Variants in RIGI observed in about 807,000 individuals in gnomAD.
RIGI encodes the protein antiviral innate immune response receptor RIG-I.
chr9:32,481,434 G>A, the RIGI span: 283 of 1,609,838 alleles, frequency 1.8e-4, no homozygotes, highest in Non-Finnish European at 2.2e-4. Flanking sequence ...TTTCTGAACT[G>A]TAACAATCCA....
chr9:32,489,313 A>T, the RIGI span: 66 of 1,505,472 alleles, frequency 4.4e-5, no homozygotes, highest in African/African-American at 1.1e-4. Context: ...AGCAAACAGA[A>T]AAACTATGTA....
the RIGI span, chr9:32,459,523 AAAAG>A: frequency 3.7e-6 from 6 of 1,600,894 alleles, no homozygotes; most frequent in South Asian, 4.5e-5. Context: ...ATCTAATGCA[AAAAG>A]AAAGACCGCA....
chr9:32,516,272 G>T, the RIGI span, among the ~76,000 whole-genome samples: 1 of 151,922 alleles, frequency 6.6e-6, no homozygotes, highest in Non-Finnish European at 1.5e-5. Context: ...TAGTGGGTCA[G>T]GGAGATGGAG....
chr9:32,466,464 G>A, the RIGI span: 1 of 1,573,538 alleles, frequency 6.4e-7, no homozygotes, highest in Non-Finnish European at 8.6e-7. Context: ...AAATATTTTA[G>A]TTGGTGTTTT....
chr9:32,469,839 C>A, the RIGI span, among the ~76,000 whole-genome samples: 1 of 152,078 alleles, frequency 6.6e-6, no homozygotes, highest in Non-Finnish European at 1.5e-5. Flanking sequence ...AAGACATCTA[C>A]GTTTATCTAT....
the RIGI span, among the ~76,000 whole-genome samples, chr9:32,500,502 G>T: frequency 6.6e-6 from 1 of 151,900 alleles, no homozygotes; most frequent in African/African-American, 2.4e-5. Flanking sequence ...ACTTCATTTT[G>T]GATTACATTT....
At chr9:32,488,933 GAT>G in the RIGI span, 1 of 1,504,520 alleles carries the variant, frequency 6.6e-7, no homozygotes, top group South Asian at 1.3e-5. Context: ...TCATATATTA[GAT>G]ATTTCTCTGG....
At chr9:32,457,560 A>G in the RIGI span, 205,093 of 530,590 alleles carry the variant, frequency 0.39, 31,494 homozygotes, top group East Asian at 0.53. Context: ...CAATTGGAGG[A>G]AAAAAAAAAA....
chr9:32,517,024 C>G, the RIGI span, among the ~76,000 whole-genome samples: 1 of 152,102 alleles, frequency 6.6e-6, no homozygotes, highest in Non-Finnish European at 1.5e-5. Context: ...CTACGTTTGC[C>G]CCAATATTCT....
At chr9:32,470,492 CAT>C in the RIGI span, among the ~76,000 whole-genome samples, 13 of 152,202 alleles carry the variant, frequency 8.5e-5, no homozygotes, top group Non-Finnish European at 1.5e-4. Flanking sequence ...AAACCTTTCA[CAT>C]GTCATAAAAT....
the RIGI span, among the ~76,000 whole-genome samples, chr9:32,462,907 G>T: frequency 6.6e-6 from 1 of 152,116 alleles, no homozygotes; most frequent in Admixed American, 6.5e-5. Context: ...TGTAATCCCA[G>T]CACTTTGGGA....
the RIGI span, chr9:32,487,339 CT>C: frequency 9.0e-6 from 8 of 884,632 alleles, no homozygotes; most frequent in Non-Finnish European, 1.4e-5. Flanking sequence ...GTGACTGTTA[CT>C]CAAGTTCAAG....
At chr9:32,525,559 C>T in the RIGI span, among the ~76,000 whole-genome samples, 1 of 152,192 alleles carries the variant, frequency 6.6e-6, no homozygotes, top group Admixed American at 6.5e-5. Flanking sequence ...TGGAAAAGTC[C>T]GGCTCCTCTC....
At chr9:32,476,153 TAAAAAGTAA>T in the RIGI span, among the ~76,000 whole-genome samples, 1 of 152,014 alleles carries the variant, frequency 6.6e-6, no homozygotes, top group Non-Finnish European at 1.5e-5. Flanking sequence ...GACTAAAATT[TAAAAAGTAA>T]AAAAAGGAAG....
At chr9:32,524,023 T>C in the RIGI span, among the ~76,000 whole-genome samples, 1 of 152,086 alleles carries the variant, frequency 6.6e-6, no homozygotes, top group East Asian at 1.9e-4. Context: ...CCAGCTAATT[T>C]TTCCTCTTTC....
the RIGI span, chr9:32,492,496 C>T: frequency 6.2e-7 from 1 of 1,614,182 alleles, no homozygotes; most frequent in South Asian, 1.1e-5. Flanking sequence ...AGGCATTCCA[C>T]CAATTTCTCT....
the RIGI span, chr9:32,459,237 GCTT>G: frequency 8.7e-7 from 1 of 1,144,998 alleles, no homozygotes; most frequent in South Asian, 1.5e-5. Context: ...TCACTTCTTA[GCTT>G]TTTTTAAATA....
chr9:32,499,001 A>G, the RIGI span, among the ~76,000 whole-genome samples: 2 of 151,962 alleles, frequency 1.3e-5, no homozygotes, highest in East Asian at 3.9e-4. Flanking sequence ...AAAAAAAAAA[A>G]AAAAGATTTC....
At chr9:32,504,673 A>G in the RIGI span, among the ~76,000 whole-genome samples, 1 of 142,776 alleles carries the variant, frequency 7.0e-6, no homozygotes, top group Non-Finnish European at 1.5e-5. Context: ...CAACAGAGCA[A>G]GGCTGTCTCA....
Sources: allele counts gnomAD v4.1 joint callset (sites outside exome capture counted in the v4.1 genomes callset), GRCh38; gene constraint gnomAD v4.1.1; transcripts MANE v1.5; gene names NCBI Gene and HGNC (gene_info 2026-07-23, HGNC 2026-07-21).